The following ARHGAP20 variants were observed in gnomAD, a reference collection of about 807,000 sequenced individuals.
The protein encoded by ARHGAP20 is rho GTPase-activating protein 20.
Under a neutral mutation model 73.7 loss-of-function variants are expected in ARHGAP20, and 34 were observed. The observed-to-expected ratio is 0.46, with a 90% confidence interval of 0.35 to 0.61. The LOEUF (loss-of-function observed/expected upper bound fraction) is 0.61. Among genes scored for constraint, ARHGAP20 ranks in the 20% least tolerant of loss-of-function variants. The pLI is 0.00. For missense variants in ARHGAP20, 1,314 were observed against 1,420.9 expected (o/e 0.92, Z 1.21); for synonymous variants, 523 against 518.2 (o/e 1.01, Z -0.13).
At chr11:110,633,332 C>CTT (rs1217728851) in intron 2 of ARHGAP20, among the ~76,000 whole-genome samples, 2 of 152,178 alleles carry the variant, frequency 1.3e-5, no homozygotes, top group African/African-American at 4.8e-5. Flanking sequence ...AAAATCACGA[C>CTT]TATAAAGCAT....
intron 4 of ARHGAP20, among the ~76,000 whole-genome samples, chr11:110,623,496 ACT>A (rs1948672214): frequency 6.6e-6 from 1 of 151,972 alleles, no homozygotes; most frequent in African/African-American, 2.4e-5. Flanking sequence ...GTCTTGGGAA[ACT>A]CTGACTCCTT....
At chr11:110,611,046 T>C (rs1297748092) in intron 7 of ARHGAP20, among the ~76,000 whole-genome samples, 1 of 152,100 alleles carries the variant, frequency 6.6e-6, no homozygotes, top group Non-Finnish European at 1.5e-5. Flanking sequence ...ACAGCATATA[T>C]AATAAAATAC....
intron 2 of ARHGAP20, among the ~76,000 whole-genome samples, chr11:110,632,907 G>A (rs1948889061): frequency 6.6e-6 from 1 of 151,706 alleles, no homozygotes; most frequent in African/African-American, 2.4e-5. Flanking sequence ...TATGTGTTTT[G>A]GAAAATATTT....
chr11:110,587,062 G>A (rs1947688559), intron 11 of ARHGAP20, among the ~76,000 whole-genome samples: 1 of 152,188 alleles, frequency 6.6e-6, no homozygotes, highest in Admixed American at 6.5e-5. Context: ...TGGCAGGGCT[G>A]AGTGTGGTAA....
intron 1 of ARHGAP20, among the ~76,000 whole-genome samples, chr11:110,695,245 A>C (rs1950313696): frequency 6.6e-6 from 1 of 151,580 alleles, no homozygotes; most frequent in East Asian, 1.9e-4. Flanking sequence ...CTTAGAAGGA[A>C]ACACAGGCAT....
chr11:110,595,875 G>A (rs910369660), intron 9 of ARHGAP20, among the ~76,000 whole-genome samples: 3 of 151,770 alleles, frequency 2.0e-5, no homozygotes, highest in South Asian at 2.1e-4. Flanking sequence ...GAGGCATCAC[G>A]CTACCTGACT....
At chr11:110,674,520 TATGTGCAAA>T (rs1293120953) in intron 2 of ARHGAP20, among the ~76,000 whole-genome samples, 1 of 152,190 alleles carries the variant, frequency 6.6e-6, no homozygotes, top group Admixed American at 6.5e-5. Flanking sequence ...AACTTTTCTT[TATGTGCAAA>T]ATTATTTAAA....
chr11:110,639,992 T>C (rs12270696), intron 2 of ARHGAP20, among the ~76,000 whole-genome samples: 81 of 151,942 alleles, frequency 5.3e-4, no homozygotes, highest in African/African-American at 1.9e-3. Flanking sequence ...GTTTAACTTA[T>C]TGAGGAACTG....
chr11:110,678,733 C>T (rs995492542), intron 2 of ARHGAP20, among the ~76,000 whole-genome samples: 2 of 152,174 alleles, frequency 1.3e-5, no homozygotes, highest in Non-Finnish European at 2.9e-5. Context: ...ACAATCACGG[C>T]TCACTGCGCC....
chr11:110,676,826 T>TA (rs2135082724), intron 2 of ARHGAP20, among the ~76,000 whole-genome samples: 1 of 152,158 alleles, frequency 6.6e-6, no homozygotes, highest in African/African-American at 2.4e-5. Flanking sequence ...AGTTTTTTTT[T>TA]TAAAAAATTG....
At chr11:110,637,791 A>C (rs1344642576) in intron 2 of ARHGAP20, among the ~76,000 whole-genome samples, 1 of 152,126 alleles carries the variant, frequency 6.6e-6, no homozygotes, top group East Asian at 1.9e-4. Flanking sequence ...CTGAGACTGC[A>C]TTGGCTAGGA....
intron 2 of ARHGAP20, among the ~76,000 whole-genome samples, chr11:110,670,478 C>T (rs1206333983): frequency 1.3e-5 from 2 of 151,996 alleles, no homozygotes; most frequent in African/African-American, 2.4e-5. Context: ...ATGAAACAGA[C>T]ACATTCCTTG....
chr11:110,583,466 A>G (rs755475038), intron 13 of ARHGAP20, 82 bp downstream of exon 13: 1 of 1,250,198 alleles, frequency 8.0e-7, no homozygotes, highest in East Asian at 2.6e-5. Context: ...TATTTAAGAA[A>G]TCATCTTTTA....
At chr11:110,626,925 T>C (rs531315454) in intron 3 of ARHGAP20, among the ~76,000 whole-genome samples, 3 of 152,264 alleles carry the variant, frequency 2.0e-5, no homozygotes, top group Admixed American at 2.0e-4. Context: ...CTTCTTCAGA[T>C]TTTTCCACTT....
intron 1 of ARHGAP20, among the ~76,000 whole-genome samples, chr11:110,700,123 CAG>C (rs976543432): frequency 1.3e-5 from 2 of 151,824 alleles, no homozygotes; most frequent in Admixed American, 6.6e-5. Context: ...TTAGTTCTCA[CAG>C]AGATTAAAGA....
At chr11:110,646,994 T>C (rs1361764567) in intron 2 of ARHGAP20, among the ~76,000 whole-genome samples, 1 of 152,132 alleles carries the variant, frequency 6.6e-6, no homozygotes, top group African/African-American at 2.4e-5. Flanking sequence ...GGCTAAAATT[T>C]CTTAAATAAA....
At chr11:110,604,550 G>A (rs990143257) in intron 9 of ARHGAP20, among the ~76,000 whole-genome samples, 7 of 152,260 alleles carry the variant, frequency 4.6e-5, no homozygotes, top group Non-Finnish European at 1.0e-4. Context: ...TAGAAGAGTA[G>A]AAGATTATTA....
Position 110,578,998 on chromosome 11 carries a change from C to T in ARHGAP20, c.*372G>A, listed in dbSNP as rs781564934. The T allele has an allele frequency of 3.0e-4, 295 of 995,894 alleles. No homozygotes were observed. The highest frequency in any genetic ancestry group is 3.4e-4 in the Non-Finnish European group (285 of 835,646). 61.7% of individuals were successfully genotyped at this position (995,894 alleles called of 1,614,324 possible). A position where few individuals can be genotyped will look rare whatever the true frequency, so the allele number is the denominator to read the frequency against. Reference sequence around the variant, plus strand: ...TCTCTGTACCCTTCCCCTCTCTCCTCAGGCCCCTATTCCTCATTCCTGATA... The same window carrying T: ...TCTCTGTACCCTTCCCCTCTCTCCTTAGGCCCCTATTCCTCATTCCTGATA... On this transcript the variant is annotated 3_prime_UTR_variant, in exon 15 of 15. Transcript: ENST00000683387.
intron 1 of ARHGAP20, among the ~76,000 whole-genome samples, chr11:110,704,621 AT>A (rs1950519643): frequency 6.6e-6 from 1 of 152,190 alleles, no homozygotes; most frequent in Admixed American, 6.5e-5. Context: ...ACCGAAGGCA[AT>A]CATCTCTGCT....
Sources: gnomAD v4.1 joint callset for allele counts (sites outside exome capture counted in the v4.1 genomes callset) on GRCh38, gnomAD v4.1.1 for gene constraint, MANE v1.5 for transcripts, NCBI Gene and HGNC (gene_info 2026-07-23, HGNC 2026-07-21) for gene names.